CDH4: variants seen among roughly 807,000 people sequenced by gnomAD.
CDH4 encodes cadherin-4.
Under a neutral mutation model 86.0 loss-of-function variants are expected in CDH4, and 33 were observed. That is an observed-to-expected ratio of 0.38 (90% CI 0.29 to 0.51). The LOEUF (loss-of-function observed/expected upper bound fraction) is 0.51, where lower values mean the gene tolerates loss of function less well. Among genes scored for constraint, CDH4 ranks in the 20% least tolerant of loss-of-function variants. CDH4 has a pLI of 0.86. For missense variants in CDH4, 1,114 were observed against 1,307.4 expected (o/e 0.85, Z 2.28); for synonymous variants, 555 against 549.4 (o/e 1.01, Z -0.14).
At chr20:61,478,500 T>C (rs565614949) in intron 2 of CDH4, among the ~76,000 whole-genome samples, 55 of 152,182 alleles carry the variant, frequency 3.6e-4, no homozygotes, top group Non-Finnish European at 7.8e-4. Flanking sequence ...AACACATGTG[T>C]GTCCAGTGTA....
In CDH4 at chr20:61,377,740, G is replaced by A. The variant is rs1178590442; in HGVS notation, c.169+122803G>A. 6.6e-6 allele frequency among the ~76,000 whole-genome samples: 1 copy of A among 152,360 alleles called. No homozygotes were observed. The highest frequency in any genetic ancestry group is 2.1e-4 in the South Asian group (1 of 4,822). The stretch of plus-strand genomic sequence containing the variant: ...TGGCTCCAAGCAATTCTTCAGTGCT[G>A]TGTAAAGGGTACATTCCATCTGTTC... On this transcript the variant is annotated intron_variant, in intron 2 of 15. Coordinates refer to ENST00000614565, the MANE Select transcript of CDH4 (RefSeq NM_001794.5). The surrounding 1 kb of genome is among the most constrained non-coding windows in gnomAD (Gnocchi z 4.0).
At chr20:61,359,041 A>T (rs944100652) in intron 2 of CDH4, among the ~76,000 whole-genome samples, 3 of 152,110 alleles carry the variant, frequency 2.0e-5, no homozygotes, top group African/African-American at 7.2e-5. Flanking sequence ...CGGAATGTGG[A>T]GAGAGCCAGG....
chr20:61,252,630 C>G lies in CDH4; in HGVS notation c.57+60C>G. ...GCCCCGGGCAGCGGGAGGTCGTCCCCGGATCCCGCGGGGCGCTCACACACC... is the reference window on the plus strand; with the variant it reads ...GCCCCGGGCAGCGGGAGGTCGTCCCGGGATCCCGCGGGGCGCTCACACACC... On this transcript the variant is annotated intron_variant, in intron 1 of 15. Coordinates refer to ENST00000614565, the MANE Select transcript of CDH4 (RefSeq NM_001794.5). The surrounding 1 kb of genome is among the most constrained non-coding windows in gnomAD (Gnocchi z 4.4). 2 of 1,034,918 alleles carry G rather than the reference C, an allele frequency of 1.9e-6. No individual in the cohort carries two copies. Among genetic ancestry groups the G allele is most frequent in the Non-Finnish European group, 2.4e-6 (2 of 819,694 alleles). The allele number at this position is 1,034,918 out of a possible 1,614,324, so 64.1% of individuals were successfully genotyped here. A position where few individuals can be genotyped will look rare whatever the true frequency, so the allele number is the denominator to read the frequency against.
intron 2 of CDH4, among the ~76,000 whole-genome samples, chr20:61,346,833 A>T (rs561886177): frequency 1.3e-5 from 2 of 152,170 alleles, no homozygotes; most frequent in South Asian, 4.1e-4. Flanking sequence ...TGCGCTATGC[A>T]GGTGAGAGGC....
At chr20:61,580,776 G>A (rs1222786852) in intron 2 of CDH4, among the ~76,000 whole-genome samples, 1 of 152,178 alleles carries the variant, frequency 6.6e-6, no homozygotes, top group Non-Finnish European at 1.5e-5. Flanking sequence ...TTAGCAATGG[G>A]TGGCGCCTAA....
chr20:61,544,274 C>T lies in CDH4; in HGVS notation c.170-199289C>T, dbSNP rs531174253. Among the ~76,000 whole-genome samples the T allele has an allele frequency of 1.6e-4, 24 of 152,002 alleles. No homozygotes were observed. Among genetic ancestry groups the T allele is most frequent in the African/African-American group, 3.6e-4 (15 of 41,382 alleles). On this transcript the variant is annotated intron_variant, in intron 2 of 15. Coordinates refer to ENST00000614565, the MANE Select transcript of CDH4 (RefSeq NM_001794.5). This position sits in a 1 kb window ranked among gnomAD's most constrained non-coding sequence, Gnocchi z 6.5. Reference sequence around the variant, plus strand: ...ATGGCGGGGTACGGCTGACATCGAGCGGGTGGAGGCTGGGTACGGCTAAAC... The same window carrying T: ...ATGGCGGGGTACGGCTGACATCGAGTGGGTGGAGGCTGGGTACGGCTAAAC...
intron 2 of CDH4, among the ~76,000 whole-genome samples, chr20:61,615,978 AGGCCACGCGAT>A (rs1475843588): frequency 2.6e-5 from 4 of 152,186 alleles, no homozygotes; most frequent in African/African-American, 7.2e-5. Flanking sequence ...GCCCCCGTGA[AGGCCACGCGAT>A]GGCCACGGGA....
chr20:61,679,886 C>T (rs1288467920), intron 2 of CDH4, among the ~76,000 whole-genome samples: 1 of 152,220 alleles, frequency 6.6e-6, no homozygotes, highest in Non-Finnish European at 1.5e-5. Flanking sequence ...TTCCAAGGCT[C>T]TTCACCAGGT....
At chr20:61,488,206 CA>C (rs1475394126) in intron 2 of CDH4, among the ~76,000 whole-genome samples, 1 of 152,182 alleles carries the variant, frequency 6.6e-6, no homozygotes, top group African/African-American at 2.4e-5. Flanking sequence ...TTCTGCCCTC[CA>C]AAAGGCAAAG....
At chr20:61,899,325 T>C (rs1412353318) in intron 8 of CDH4, among the ~76,000 whole-genome samples, 1 of 152,094 alleles carries the variant, frequency 6.6e-6, no homozygotes, top group Non-Finnish European at 1.5e-5. Flanking sequence ...TATATCATTG[T>C]TGTAGTTTAA....
chr20:61,299,605 G>C (rs535871391), intron 2 of CDH4, among the ~76,000 whole-genome samples: 1 of 152,296 alleles, frequency 6.6e-6, no homozygotes, highest in Admixed American at 6.5e-5. Flanking sequence ...AGGGCTGAAA[G>C]TTCTCTGTTC....
intron 2 of CDH4, among the ~76,000 whole-genome samples, chr20:61,725,690 T>A (rs34674084): frequency 0.33 from 49,961 of 151,534 alleles, 9,343 homozygotes; most frequent in South Asian, 0.44. Flanking sequence ...GAGTCGCCCC[T>A]ACCTCCACCT....
At chr20:61,539,763 G>A (rs563515243) in intron 2 of CDH4, among the ~76,000 whole-genome samples, 24 of 152,358 alleles carry the variant, frequency 1.6e-4, no homozygotes, top group African/African-American at 3.8e-4. Flanking sequence ...GTCACAGGAC[G>A]AGAGGGAGCA....
chr20:61,647,546 C>T (rs188437158), intron 2 of CDH4, among the ~76,000 whole-genome samples: 11,714 of 85,570 alleles, frequency 0.14, 1,238 homozygotes, highest in Non-Finnish European at 0.18. Context: ...TCTCCCTCTC[C>T]CTCTCCCTCT....
At chr20:61,474,859 A>G (rs2085525916) in intron 2 of CDH4, among the ~76,000 whole-genome samples, 1 of 152,202 alleles carries the variant, frequency 6.6e-6, no homozygotes. Flanking sequence ...ATGAGATTTT[A>G]TAGCATTATT....
chr20:61,609,027 G>C (rs1374866814), intron 2 of CDH4, among the ~76,000 whole-genome samples: 1 of 152,198 alleles, frequency 6.6e-6, no homozygotes, highest in Non-Finnish European at 1.5e-5. Context: ...TCAGTGCCCA[G>C]CTCCTCCATC....
intron 2 of CDH4, among the ~76,000 whole-genome samples, chr20:61,558,705 C>G (rs920977594): frequency 2.6e-5 from 4 of 152,236 alleles, no homozygotes; most frequent in African/African-American, 9.6e-5. Flanking sequence ...CGAATAGCAT[C>G]CCGTGCGTCC....
At chr20:61,639,362 C>T (rs2086981090) in intron 2 of CDH4, among the ~76,000 whole-genome samples, 1 of 152,326 alleles carries the variant, frequency 6.6e-6, no homozygotes, top group African/African-American at 2.4e-5. Context: ...CTGACTCCCT[C>T]TGCCAGCAGG....
At chr20:61,752,751 GAA>G (rs561430093) in intron 3 of CDH4, among the ~76,000 whole-genome samples, 4 of 152,206 alleles carry the variant, frequency 2.6e-5, no homozygotes, top group South Asian at 2.1e-4. Flanking sequence ...ACAGACCAAA[GAA>G]GGAGAGCAGG....
Sources: gnomAD v4.1 joint callset for allele counts (sites outside exome capture counted in the v4.1 genomes callset) on GRCh38, gnomAD v4.1.1 for gene constraint, Gnocchi (gnomAD v3.1) non-coding constraint, MANE v1.5 for transcripts, NCBI Gene and HGNC (gene_info 2026-07-23, HGNC 2026-07-21) for gene names.